Variants in NBPF20 observed in about 807,000 individuals in gnomAD.
NBPF20 encodes NBPF member 20, also known as NBPF family member NBPF20.
In NBPF20, 90 loss-of-function variants were observed where a neutral mutation model predicts 68.1. The observed-to-expected ratio is 1.32, with a 90% CI of 1.11 to 1.58. NBPF20 has a LOEUF of 1.58. NBPF20 is among the 40% of genes most tolerant of loss of function. The probability of loss-of-function intolerance (pLI) is 0.00; values close to 1 mark genes in which losing one functional copy is unlikely to be tolerated. For missense variants in NBPF20, 816 were observed against 601.2 expected, an observed-to-expected ratio of 1.36 and a Z score of -3.74; for synonymous variants, 290 against 228.1, an observed-to-expected ratio of 1.27 and a Z score of -2.45.
intron 8 of NBPF20, 26 bp from the exon 14 acceptor site, chr1:145,393,961 C>G: frequency 8.3e-7 from 1 of 1,211,962 alleles, no homozygotes; most frequent in Admixed American, 1.7e-5. Flanking sequence ...GATGGGCCCT[C>G]TTACATTAAG....
At chr1:145,397,411 C>T (rs1156504172) in intron 7 of NBPF20, among the ~76,000 whole-genome samples, 1 of 152,274 alleles carries the variant, frequency 6.6e-6, no homozygotes, top group African/African-American at 2.4e-5. Flanking sequence ...CCTATTTCTC[C>T]ACATCCTCTC....
intron 7 of NBPF20, among the ~76,000 whole-genome samples, chr1:145,397,268 A>C (rs1449218383): frequency 5.9e-5 from 9 of 151,994 alleles, no homozygotes; most frequent in South Asian, 2.1e-4. Flanking sequence ...ATTTATAATC[A>C]TTTGGGTACA....
intron 8 of NBPF20, among the ~76,000 whole-genome samples, chr1:145,394,441 A>G (rs1303252417): frequency 1.7e-3 from 250 of 148,634 alleles, no homozygotes; most frequent in African/African-American, 6.2e-3. Flanking sequence ...TCTAGAAAAC[A>G]TACCAGGAAC....
In NBPF20 at chr1:145,291,321, T is replaced by C. The variant is rs587706233; in HGVS notation, c.*205A>G. The C allele has an allele frequency of 8.3e-4, 637 of 769,294 alleles. 4 individuals carry two copies. The highest frequency in any genetic ancestry group is 6.2e-3 in the South Asian group (347 of 56,180). The allele number at this position is 769,294 out of a possible 1,614,324, so 47.7% of individuals were successfully genotyped here. Reference sequence around the variant, plus strand: ...TCCCGGCATGTGCTGCACAGTTATGTGAACGTGTCACACCTAACGTGGGTC... The same window carrying C: ...TCCCGGCATGTGCTGCACAGTTATGCGAACGTGTCACACCTAACGTGGGTC... On this transcript the variant is annotated 3_prime_UTR_variant, in exon 138 of 138. Transcript: ENST00000369373.
chr1:145,424,231 G>A, the NBPF20 span, among the ~76,000 whole-genome samples: 2 of 149,386 alleles, frequency 1.3e-5, no homozygotes, highest in Admixed American at 6.7e-5. Context: ...CCACCTTGGC[G>A]TCCCAAAGTG....
intron 7 of NBPF20, among the ~76,000 whole-genome samples, chr1:145,395,665 A>G (rs1662197447): frequency 2.0e-5 from 3 of 149,364 alleles, no homozygotes; most frequent in South Asian, 4.2e-4. Context: ...CCCTGGATTT[A>G]AACACATCGG....
chr1:145,410,314 C>G (rs1179943156), upstream of NBPF20, among the ~76,000 whole-genome samples: 1 of 149,754 alleles, frequency 6.7e-6, no homozygotes, highest in African/African-American at 2.5e-5. Flanking sequence ...ATTCATGTAT[C>G]TTCTTTTTTT....
At chr1:145,412,060 G>C in the NBPF20 span, among the ~76,000 whole-genome samples, 1 of 134,678 alleles carries the variant, frequency 7.4e-6, no homozygotes, top group Non-Finnish European at 1.6e-5. Context: ...TAAAGCTGAT[G>C]GGAGTTTATT....
the NBPF20 span, among the ~76,000 whole-genome samples, chr1:145,410,765 CG>C: frequency 4.6e-5 from 4 of 86,346 alleles, no homozygotes; most frequent in Non-Finnish European, 9.4e-5. Context: ...TATATATATA[CG>C]TATATATATA....
chr1:145,402,139 G>C, intron 4 of NBPF20, 28 bp downstream of exon 9: 1 of 1,376,780 alleles, frequency 7.3e-7, no homozygotes, highest in Non-Finnish European at 1.0e-6. Flanking sequence ...CTGGGATTTT[G>C]GGTCATCAGG....
At chr1:145,306,211 G>C in intron 119 of NBPF20, 146 bp from the exon 125 acceptor site, 1 of 499,962 alleles carries the variant, frequency 2.0e-6, no homozygotes, top group Middle Eastern at 5.8e-4. Flanking sequence ...TTGCCTTCAT[G>C]TTGGGACAGA....
intron 73 of NBPF20, among the ~76,000 whole-genome samples, chr1:145,342,897 A>G (rs1661633359): frequency 3.4e-5 from 1 of 29,848 alleles, no homozygotes; most frequent in African/African-American, 2.0e-4. Context: ...CTCAGGACAC[A>G]CAGCATACAG....
At chr1:145,415,134 C>G in the NBPF20 span, among the ~76,000 whole-genome samples, 5 of 151,816 alleles carry the variant, frequency 3.3e-5, no homozygotes, top group Non-Finnish European at 7.4e-5. Flanking sequence ...CAGGTAAACA[C>G]GTGAACAAAT....
rs879993292 is a variant in NBPF20 at position 145,291,824 on chromosome 1, G to A, written c.16698-55C>T. 44 of 1,611,436 alleles carry A rather than the reference G, an allele frequency of 2.7e-5. No individual in the cohort carries two copies. In the South Asian group the frequency reaches 3.2e-4, roughly 12 times the overall value. ...GCCAGGGAAAATCAGAAACCACAGAGCCCCACTAGATTTCAGAAGTCACAT... is the reference window on the plus strand; with the variant it reads ...GCCAGGGAAAATCAGAAACCACAGAACCCCACTAGATTTCAGAAGTCACAT... On this transcript the variant is annotated intron_variant, in intron 137 of 137. Coordinates refer to ENST00000369373, the Ensembl canonical transcript of NBPF20.
chr1:145,425,332 G>T, the NBPF20 span, among the ~76,000 whole-genome samples: 4 of 140,674 alleles, frequency 2.8e-5, no homozygotes, highest in African/African-American at 1.0e-4. Context: ...CCGCCCGCCC[G>T]GCCTGGCGCG....
At chr1:145,423,908 C>T in the NBPF20 span, among the ~76,000 whole-genome samples, 4 of 151,664 alleles carry the variant, frequency 2.6e-5, no homozygotes, top group South Asian at 2.1e-4. Context: ...TACAAATATA[C>T]CCCAGTCTAG....
intron 3 of NBPF20, among the ~76,000 whole-genome samples, chr1:145,402,910 C>T (rs1662593253): frequency 6.6e-6 from 1 of 151,004 alleles, no homozygotes; most frequent in Non-Finnish European, 1.5e-5. Context: ...GATGGCACAC[C>T]ATTTTGAGTA....
At chr1:145,291,663 G>C in exon 138 of NBPF20, 1 of 1,611,910 alleles carries the variant, frequency 6.2e-7, no homozygotes. Flanking sequence ...CTGTAGTGCT[G>C]GAATGAGTCA....
the NBPF20 span, among the ~76,000 whole-genome samples, chr1:145,425,430 C>T: frequency 6.6e-6 from 1 of 152,152 alleles, no homozygotes; most frequent in African/African-American, 2.4e-5. Flanking sequence ...CGCCTCGGCC[C>T]GCTCCTGGCG....
Sources: gnomAD v4.1 joint callset for allele counts (sites outside exome capture counted in the v4.1 genomes callset) on GRCh38, gnomAD v4.1.1 for gene constraint, MANE v1.5 for transcripts, NCBI Gene and HGNC (gene_info 2026-07-23, HGNC 2026-07-21) for gene names.